Variants in NRXN3 observed in about 807,000 individuals in gnomAD.
NRXN3 encodes the protein neurexin 3, also known as neurexin III.
In NRXN3, 32 loss-of-function variants were observed where a neutral mutation model predicts 137.6. The observed-to-expected ratio is 0.23, with a 90% CI of 0.18 to 0.31. The LOEUF (loss-of-function observed/expected upper bound fraction) is 0.31, where lower values mean the gene tolerates loss of function less well. Among genes scored for constraint, NRXN3 ranks in the 10% least tolerant of loss-of-function variants. The pLI is 1.00. For missense variants in NRXN3, 1,574 were observed against 2,062.5 expected, an observed-to-expected ratio of 0.76 and a Z score of 4.59; for synonymous variants, 798 against 784.5, an observed-to-expected ratio of 1.02 and a Z score of -0.29.
chr14:78,542,529 G>C (rs542360397), intron 4 of NRXN3, among the ~76,000 whole-genome samples: 3 of 152,362 alleles, frequency 2.0e-5, no homozygotes, highest in Admixed American at 1.3e-4. Context: ...TCTGCCAGTT[G>C]CTAAGACCTT....
intron 4 of NRXN3, among the ~76,000 whole-genome samples, chr14:78,452,678 G>A (rs1244677590): frequency 6.6e-6 from 1 of 152,220 alleles, no homozygotes; most frequent in African/African-American, 2.4e-5. Context: ...GTTCCTGAAA[G>A]CATGTAAAAA....
chr14:79,446,728 A>C (rs1165183856), intron 15 of NRXN3, among the ~76,000 whole-genome samples: 1 of 152,090 alleles, frequency 6.6e-6, no homozygotes, highest in Non-Finnish European at 1.5e-5. Flanking sequence ...TTTAAAGATA[A>C]CTTCTTCATA....
chr14:78,591,454 G>A (rs2097115431), intron 4 of NRXN3, among the ~76,000 whole-genome samples: 1 of 152,068 alleles, frequency 6.6e-6, no homozygotes, highest in South Asian at 2.1e-4. Context: ...AAGAAGTGTA[G>A]ACCTGAGCTC....
intron 15 of NRXN3, among the ~76,000 whole-genome samples, chr14:79,138,673 G>C (rs967050331): frequency 5.9e-5 from 9 of 152,186 alleles, no homozygotes; most frequent in Admixed American, 2.6e-4. Context: ...TGCATATCTT[G>C]TTAAAATCAC....
intron 15 of NRXN3, among the ~76,000 whole-genome samples, chr14:79,167,600 CT>C (rs1343297083): frequency 1.3e-5 from 2 of 151,392 alleles, no homozygotes; most frequent in South Asian, 2.1e-4. Context: ...ACTTTTCTTC[CT>C]TTTTTTGTTA....
chr14:79,572,470 A>G (rs936817402), intron 16 of NRXN3, among the ~76,000 whole-genome samples: 25 of 152,274 alleles, frequency 1.6e-4, no homozygotes, highest in Admixed American at 9.8e-4. Context: ...GTAACTTGCC[A>G]TTCCTCCCCA....
chr14:79,093,732 G>A (rs1267242478), intron 15 of NRXN3, among the ~76,000 whole-genome samples: 1 of 152,024 alleles, frequency 6.6e-6, no homozygotes, highest in African/African-American at 2.4e-5. Flanking sequence ...GTTTCTAGGG[G>A]GATATACATG....
chr14:78,794,950 A>T (rs1318367331), intron 8 of NRXN3, among the ~76,000 whole-genome samples: 2 of 148,700 alleles, frequency 1.3e-5, no homozygotes, highest in Non-Finnish European at 3.0e-5. Flanking sequence ...AAAAAAAAGT[A>T]GCCAGGTGTG....
chr14:78,716,088 A>G (rs2098431777), intron 8 of NRXN3, among the ~76,000 whole-genome samples: 1 of 152,076 alleles, frequency 6.6e-6, no homozygotes, highest in Admixed American at 6.5e-5. Context: ...GACCAAAGAG[A>G]TGAGGGCTGA....
At chr14:78,714,647 T>G in intron 7 of NRXN3, 109 bp from the exon 8 acceptor site, 2 of 1,208,372 alleles carry the variant, frequency 1.7e-6, no homozygotes, top group Non-Finnish European at 2.4e-6. Context: ...CTTGCTTACA[T>G]TGTTCTCTCC....
intron 16 of NRXN3, among the ~76,000 whole-genome samples, chr14:79,597,242 T>C (rs967560226): frequency 3.3e-5 from 5 of 152,124 alleles, no homozygotes; most frequent in Admixed American, 6.5e-5. Context: ...AGCAGAAAAA[T>C]TATTTTTCAG....
At chr14:78,802,419 A>G (rs2098841951) in intron 8 of NRXN3, among the ~76,000 whole-genome samples, 1 of 152,124 alleles carries the variant, frequency 6.6e-6, no homozygotes, top group Non-Finnish European at 1.5e-5. Flanking sequence ...GCATTAGGAG[A>G]TATACCTAAT....
At chr14:79,369,752 C>T (rs1040392033) in intron 15 of NRXN3, among the ~76,000 whole-genome samples, 1 of 152,146 alleles carries the variant, frequency 6.6e-6, no homozygotes, top group African/African-American at 2.4e-5. Flanking sequence ...AGTGTAATTT[C>T]TCCAGCCTTT....
At chr14:79,286,208 C>T (rs2153452384) in intron 15 of NRXN3, among the ~76,000 whole-genome samples, 1 of 152,178 alleles carries the variant, frequency 6.6e-6, no homozygotes, top group Middle Eastern at 3.4e-3. Context: ...GACCTGCTAC[C>T]CTTCTGACCC....
At chr14:79,254,693 A>C (rs2076353246) in intron 15 of NRXN3, among the ~76,000 whole-genome samples, 1 of 152,152 alleles carries the variant, frequency 6.6e-6, no homozygotes, top group Admixed American at 6.5e-5. Context: ...GTTGAGAGGA[A>C]AAGAAAGAAC....
At chr14:79,755,890 T>G (rs1341560942) in intron 19 of NRXN3, among the ~76,000 whole-genome samples, 4 of 152,184 alleles carry the variant, frequency 2.6e-5, no homozygotes, top group Non-Finnish European at 5.9e-5. Flanking sequence ...CAAATCCTGA[T>G]TTTCACATTT....
At position 78,649,677 on chromosome 14, in the gene NRXN3, C is replaced by G. The variant is rs577563479; in HGVS notation, c.1060-1488C>G. Among the ~76,000 whole-genome samples, 5 of 151,594 alleles carry G rather than the reference C, an allele frequency of 3.3e-5. No homozygotes were observed. In the South Asian group the frequency reaches 1.0e-3, roughly 32 times the overall value. ...CAACAGAGATTTATAGTGAGAACTT[C>G]CTTCTTTCTGTGCCTTCCTCTCCCT... On this transcript the variant is annotated intron_variant, in intron 5 of 20. Coordinates refer to ENST00000335750, the MANE Select transcript of NRXN3 (RefSeq NM_001330195.2).
At chr14:78,413,540 C>T (rs2092957218) in intron 4 of NRXN3, among the ~76,000 whole-genome samples, 1 of 152,136 alleles carries the variant, frequency 6.6e-6, no homozygotes, top group African/African-American at 2.4e-5. Flanking sequence ...CCGAGGCCTC[C>T]CAAATTGCTG....
rs562399331 is a variant in NRXN3 at position 78,727,959 on chromosome 14, G to A, written c.2044+12820G>A. Among the ~76,000 whole-genome samples, 8 of 152,258 alleles carry A rather than the reference G, an allele frequency of 5.3e-5. No individual in the cohort carries two copies. In the East Asian group the frequency reaches 1.5e-3, roughly 29 times the overall value. On this transcript the variant is annotated intron_variant, in intron 8 of 20. Transcript: ENST00000335750. The stretch of plus-strand genomic sequence containing the variant: ...TCATTGAATGCTACAGCTGGGCAGG[G>A]CCTTAAAAAATCAACTATTCCAGTG...
Sources: allele counts gnomAD v4.1 joint callset (sites outside exome capture counted in the v4.1 genomes callset), GRCh38; gene constraint gnomAD v4.1.1; transcripts MANE v1.5; gene names NCBI Gene and HGNC (gene_info 2026-07-23, HGNC 2026-07-21).